DAB1: variants seen among roughly 807,000 people sequenced by gnomAD.
The protein encoded by DAB1 is DAB adaptor protein 1, also known as disabled homolog 1.
In DAB1, 15 loss-of-function variants were observed where a neutral mutation model predicts 64.6. The observed-to-expected ratio is 0.23, with a 90% confidence interval of 0.16 to 0.36. DAB1 has a LOEUF of 0.36. Ranked by LOEUF, DAB1 falls within the 10% of genes least tolerant of loss-of-function variation. The pLI is 1.00. For synonymous variants in DAB1, 235 were observed against 251.9 expected (o/e 0.93, Z 0.64); for missense variants, 596 against 706.7 (o/e 0.84, Z 1.78).
intron 5 of DAB1, among the ~76,000 whole-genome samples, chr1:57,982,123 T>C (rs1049601252): frequency 6.6e-6 from 1 of 152,194 alleles, no homozygotes; most frequent in African/African-American, 2.4e-5. Flanking sequence ...GGGAAAATAG[T>C]TTGGCCCTTT....
At chr1:57,122,786 G>T (rs1490535958) in intron 4 of DAB1, among the ~76,000 whole-genome samples, 1 of 152,130 alleles carries the variant, frequency 6.6e-6, no homozygotes, top group Non-Finnish European at 1.5e-5. Context: ...GGAAGGGGGA[G>T]CTTATTCATT....
In DAB1 at chr1:57,727,384, A is replaced by T. The variant is rs568888316; in HGVS notation, n.552-77719T>A. ...CCCACAGGAATAGCAGTCGGTGGCG[A>T]GTGCTGCTAAGTGATGGCATGCATT... On this transcript the variant is annotated intron_variant and non_coding_transcript_variant, in intron 6 of 20. Transcript: ENST00000485760. Among the ~76,000 whole-genome samples, 4 of 152,298 alleles carry T rather than the reference A, an allele frequency of 2.6e-5. No individual in the cohort carries two copies. In the East Asian group the frequency reaches 7.7e-4, roughly 29 times the overall value.
intron 4 of DAB1, among the ~76,000 whole-genome samples, chr1:57,081,553 T>A (rs1652558788): frequency 6.6e-6 from 1 of 151,048 alleles, no homozygotes; most frequent in African/African-American, 2.5e-5. Flanking sequence ...TTTCATTTAA[T>A]CCTGTAATTT....
intron 5 of DAB1, chr1:58,056,585 G>T: frequency 1.4e-6 from 1 of 711,462 alleles, no homozygotes. Flanking sequence ...CTCAGGCTCT[G>T]CCTTCTCATC....
intron 2 of DAB1, among the ~76,000 whole-genome samples, chr1:57,178,636 T>C (rs555203554): frequency 6.6e-6 from 1 of 152,120 alleles, no homozygotes; most frequent in Non-Finnish European, 1.5e-5. Context: ...GAAGAAGTAA[T>C]TATGATTGGG....
At chr1:57,448,788 AC>A (rs1686243314) in intron 7 of DAB1, among the ~76,000 whole-genome samples, 1 of 152,082 alleles carries the variant, frequency 6.6e-6, no homozygotes, top group Non-Finnish European at 1.5e-5. Flanking sequence ...ACACACACAC[AC>A]ACACACAGAT....
intron 4 of DAB1, among the ~76,000 whole-genome samples, chr1:58,326,093 G>A (rs1164637482): frequency 1.3e-5 from 2 of 152,042 alleles, no homozygotes; most frequent in African/African-American, 4.8e-5. Context: ...TCGTAATTAC[G>A]TGCTTCTCCC....
chr1:58,343,580 A>T (rs1377378860), intron 3 of DAB1, among the ~76,000 whole-genome samples: 1 of 152,162 alleles, frequency 6.6e-6, no homozygotes, highest in Non-Finnish European at 1.5e-5. Flanking sequence ...AAAAGTTGGG[A>T]GGGAGAAAGA....
intron 4 of DAB1, among the ~76,000 whole-genome samples, chr1:58,309,846 AC>A: frequency 6.6e-6 from 1 of 152,178 alleles, no homozygotes; most frequent in Non-Finnish European, 1.5e-5. Flanking sequence ...GAGGTAATAT[AC>A]TTAAAATTAC....
chr1:57,677,107 C>T (rs1646577056), intron 6 of DAB1, among the ~76,000 whole-genome samples: 4 of 152,148 alleles, frequency 2.6e-5, no homozygotes, highest in Non-Finnish European at 5.9e-5. Context: ...ACAGAAAGCT[C>T]TCTCTGGCCC....
At chr1:57,540,511 C>T (rs1644788671) in intron 7 of DAB1, among the ~76,000 whole-genome samples, 1 of 152,128 alleles carries the variant, frequency 6.6e-6, no homozygotes, top group Non-Finnish European at 1.5e-5. Flanking sequence ...GTTATTGCAG[C>T]CCTATTTACA....
chr1:57,375,890 G>T (rs946522254), intron 1 of DAB1, among the ~76,000 whole-genome samples: 4 of 152,170 alleles, frequency 2.6e-5, no homozygotes, highest in Non-Finnish European at 5.9e-5. Flanking sequence ...AATATTTTGT[G>T]TATTGCCTTC....
intron 5 of DAB1, among the ~76,000 whole-genome samples, chr1:58,005,370 T>C (rs1282771853): frequency 6.6e-6 from 1 of 152,130 alleles, no homozygotes; most frequent in Non-Finnish European, 1.5e-5. Context: ...AGAGGGCTGG[T>C]GTCTAGGGGC....
chr1:57,695,383 A>AG (rs1275790883), intron 6 of DAB1, among the ~76,000 whole-genome samples: 5 of 95,534 alleles, frequency 5.2e-5, no homozygotes, highest in South Asian at 7.4e-4. Context: ...AAAGAAAGAA[A>AG]GAAAGAAAGA....
Position 58,300,592 on chromosome 1 carries a change from GAA to G in DAB1, n.309+42758_309+42759del, listed in dbSNP as rs1203618223. Among the ~76,000 whole-genome samples, 5 of 33,940 alleles carry G rather than the reference GAA, an allele frequency of 1.5e-4. 1 individual carries two copies. The highest frequency in any genetic ancestry group is 3.0e-4 in the African/African-American group (3 of 10,132). 22.3% of individuals were successfully genotyped at this position (33,940 alleles called of 152,430 possible). A position where few individuals can be genotyped will look rare whatever the true frequency, so the allele number is the denominator to read the frequency against. On this transcript the variant is annotated intron_variant and non_coding_transcript_variant, in intron 4 of 20. Transcript: ENST00000485760. ...AGAAAGAAAGAAAGAAAGAAAGAAA[GAA>G]AGAAAGAAAGAAAGAAAGAGAGAGA...
At chr1:58,165,212 G>A (rs1418358032) in intron 4 of DAB1, among the ~76,000 whole-genome samples, 1 of 152,146 alleles carries the variant, frequency 6.6e-6, no homozygotes, top group Non-Finnish European at 1.5e-5. Context: ...ATGTGTCCCA[G>A]AACTCTCTCC....
intron 5 of DAB1, among the ~76,000 whole-genome samples, chr1:58,067,777 C>T (rs1570307272): frequency 6.6e-6 from 1 of 152,202 alleles, no homozygotes; most frequent in East Asian, 1.9e-4. Flanking sequence ...CCTTATAGGC[C>T]TCAACCAGTT....
At chr1:57,973,884 C>T (rs2802900) in intron 5 of DAB1, among the ~76,000 whole-genome samples, 68,673 of 151,934 alleles carry the variant, frequency 0.45, 16,355 homozygotes, top group East Asian at 0.9. Flanking sequence ...CATAGTCTTT[C>T]AAAATCCTTA....
chr1:57,812,557 T>C (rs1651680390), intron 6 of DAB1, among the ~76,000 whole-genome samples: 1 of 152,090 alleles, frequency 6.6e-6, no homozygotes, highest in Non-Finnish European at 1.5e-5. Flanking sequence ...ATTTGACAAG[T>C]GGGCTCCGCA....
Sources: gnomAD v4.1 joint callset for allele counts (sites outside exome capture counted in the v4.1 genomes callset) on GRCh38, gnomAD v4.1.1 for gene constraint, MANE v1.5 for transcripts, NCBI Gene and HGNC (gene_info 2026-07-23, HGNC 2026-07-21) for gene names.